The following FOXJ3 variants were observed in gnomAD, a reference collection of about 807,000 sequenced individuals.
FOXJ3 encodes forkhead box protein J3.
A neutral mutation model predicts 76.1 loss-of-function variants in FOXJ3; 22 were observed. The ratio of observed to expected loss-of-function variants is 0.29; its 90% CI spans 0.21 to 0.41. The LOEUF is 0.41. Ranked by LOEUF, FOXJ3 falls within the 10% of genes least tolerant of loss-of-function variation. The pLI, the probability that FOXJ3 is intolerant of heterozygous loss-of-function variation, is 1.00. For synonymous variants in FOXJ3, 269 were observed against 261.2 expected, an observed-to-expected ratio of 1.03 and a Z score of -0.29; for missense variants, 613 against 762.1, an observed-to-expected ratio of 0.80 and a Z score of 2.30.
intron 6 of FOXJ3, among the ~76,000 whole-genome samples, chr1:42,200,005 CAAAAAA>C (rs11355641): frequency 1.3e-5 from 1 of 76,086 alleles, no homozygotes; most frequent in Non-Finnish European, 2.3e-5. Flanking sequence ...GACTCTGTCT[CAAAAAA>C]AAAAAAAAAA....
intron 5 of FOXJ3, among the ~76,000 whole-genome samples, chr1:42,223,516 T>A (rs1329706690): frequency 6.6e-6 from 1 of 152,232 alleles, no homozygotes; most frequent in Non-Finnish European, 1.5e-5. Flanking sequence ...CAATCATGCA[T>A]GCTGTGTCTC....
Position 42,177,050 on chromosome 1 carries a change from A to T in FOXJ3, c.*2660T>A, listed in dbSNP as rs1376504738. 6.6e-6 allele frequency: 1 copy of T among 152,620 alleles called. No homozygotes were observed. Among genetic ancestry groups the T allele is most frequent in the Non-Finnish European group, 1.5e-5 (1 of 68,052 alleles). 9.5% of individuals were successfully genotyped at this position (152,620 alleles called of 1,614,324 possible). A position where few individuals can be genotyped will look rare whatever the true frequency, so the allele number is the denominator to read the frequency against. ...ACTATTCTTTCCCCCTAAAGTCTTC[A>T]GTCAATTTAAGCCCAAGACAGAACT... On this transcript the variant is annotated 3_prime_UTR_variant, in exon 13 of 13. Coordinates refer to ENST00000361346, the MANE Select transcript of FOXJ3 (RefSeq NM_014947.5).
At chr1:42,234,615 A>G (rs542175285) in intron 4 of FOXJ3, among the ~76,000 whole-genome samples, 1 of 152,160 alleles carries the variant, frequency 6.6e-6, no homozygotes, top group Non-Finnish European at 1.5e-5. Flanking sequence ...TTTTCCTTCT[A>G]ACAGTCAGGA....
intron 3 of FOXJ3, among the ~76,000 whole-genome samples, chr1:42,270,830 T>C (rs977042719): frequency 6.6e-6 from 1 of 152,160 alleles, no homozygotes; most frequent in African/African-American, 2.4e-5. Flanking sequence ...ACCTGACAAT[T>C]CTAATTTTAA....
intron 1 of FOXJ3, among the ~76,000 whole-genome samples, chr1:42,317,657 A>G (rs552619947): frequency 1.5e-3 from 228 of 152,264 alleles, no homozygotes; most frequent in Non-Finnish European, 3.0e-3. Context: ...ATAGAAGATA[A>G]TAATACGACA....
intron 4 of FOXJ3, among the ~76,000 whole-genome samples, chr1:42,232,619 T>C (rs1370407225): frequency 6.6e-6 from 1 of 151,846 alleles, no homozygotes; most frequent in Non-Finnish European, 1.5e-5. Flanking sequence ...TCTGTTCATA[T>C]CCTTCGCCCA....
At chr1:42,259,148 A>G (rs926623278) in intron 4 of FOXJ3, among the ~76,000 whole-genome samples, 1 of 152,222 alleles carries the variant, frequency 6.6e-6, no homozygotes, top group African/African-American at 2.4e-5. Context: ...CCAGACTCAG[A>G]AGGCCATGTA....
chr1:42,189,386 T>G lies in FOXJ3; in HGVS notation c.1370A>C (p.Tyr457Ser). Residue 457 changes from tyrosine (Y) to serine (S), a missense_variant, in exon 10 of 13, where the codon TAT (tyrosine) becomes TCT (serine). Tyr to Ser is a moderately radical substitution (Grantham distance 144, BLOSUM62 -2). Coordinates refer to ENST00000361346, the MANE Select transcript of FOXJ3 (RefSeq NM_014947.5). ...SCNSGVSNDW[Y>S]ATLDMLKESC... ...TTCTTTTAGCATATCAAGTGTCGCATACCAATCATTTGAAACACCTATAAA... is the reference window on the plus strand; with the variant it reads ...TTCTTTTAGCATATCAAGTGTCGCAGACCAATCATTTGAAACACCTATAAA... 1 of 1,612,180 alleles carries G rather than the reference T, an allele frequency of 6.2e-7. No homozygotes were observed.
intron 2 of FOXJ3, among the ~76,000 whole-genome samples, chr1:42,293,672 T>G (rs1557704852): frequency 6.6e-6 from 1 of 152,226 alleles, no homozygotes. Context: ...TTCTATTTCT[T>G]GAATTATCTA....
At chr1:42,192,589 G>A (rs1401623151) in intron 8 of FOXJ3, among the ~76,000 whole-genome samples, 1 of 152,194 alleles carries the variant, frequency 6.6e-6, no homozygotes, top group Non-Finnish European at 1.5e-5. Flanking sequence ...TAGCTGCCAT[G>A]ATGATGATTA....
intron 1 of FOXJ3, among the ~76,000 whole-genome samples, chr1:42,312,139 A>G (rs1654852403): frequency 1.3e-5 from 2 of 152,180 alleles, no homozygotes; most frequent in African/African-American, 2.4e-5. Context: ...AGGCAGGAGT[A>G]TTATAGACCC....
At position 42,227,996 on chromosome 1, in the gene FOXJ3, T is replaced by C. The variant is rs778985769; in HGVS notation, c.445-30A>G. ...AGGTAAAGAAATTATATTAACAGTA[T>C]ATTACAGCAAACCTATGATATTAAA... On this transcript the variant is annotated intron_variant, in intron 4 of 12. Coordinates refer to ENST00000361346, the MANE Select transcript of FOXJ3 (RefSeq NM_014947.5). 4 of 1,144,502 alleles carry C rather than the reference T, an allele frequency of 3.5e-6. No homozygotes were observed. In the African/African-American group the frequency reaches 6.1e-5, roughly 17 times the overall value. 70.9% of individuals were successfully genotyped at this position (1,144,502 alleles called of 1,614,324 possible).
intron 2 of FOXJ3, among the ~76,000 whole-genome samples, chr1:42,285,125 A>G (rs910646668): frequency 3.9e-5 from 6 of 152,052 alleles, no homozygotes; most frequent in East Asian, 1.9e-4. Flanking sequence ...AATTTTTATT[A>G]TAAGTTCAGG....
intron 1 of FOXJ3, among the ~76,000 whole-genome samples, chr1:42,320,903 G>A (rs1655394043): frequency 6.6e-6 from 1 of 152,076 alleles, no homozygotes; most frequent in Non-Finnish European, 1.5e-5. Context: ...TTTATCTTGG[G>A]CATTTGATTC....
At chr1:42,278,862 T>A (rs1652486749) in intron 2 of FOXJ3, among the ~76,000 whole-genome samples, 190 bp from the exon 3 acceptor site, 1 of 152,190 alleles carries the variant, frequency 6.6e-6, no homozygotes, top group Non-Finnish European at 1.5e-5. Context: ...TTTTCTTAAT[T>A]TTTTCCTCAC....
chr1:42,317,859 C>T (rs1352691902), intron 1 of FOXJ3, among the ~76,000 whole-genome samples: 2 of 152,122 alleles, frequency 1.3e-5, no homozygotes, highest in Non-Finnish European at 2.9e-5. Context: ...CACATTATCT[C>T]TATTACCTTA....
intron 1 of FOXJ3, among the ~76,000 whole-genome samples, chr1:42,333,577 GA>G (rs1344914678): frequency 3.3e-5 from 5 of 152,066 alleles, no homozygotes; most frequent in African/African-American, 4.8e-5. Context: ...ATACCACTCA[GA>G]AAAAGAGAGG....
intron 1 of FOXJ3, among the ~76,000 whole-genome samples, chr1:42,328,604 A>C (rs1443194076): frequency 1.3e-5 from 2 of 152,028 alleles, no homozygotes; most frequent in Non-Finnish European, 2.9e-5. Flanking sequence ...GGCCTTTATT[A>C]ATAGTCTCAA....
chr1:42,262,587 G>A (rs568332578), intron 4 of FOXJ3, among the ~76,000 whole-genome samples: 9 of 152,258 alleles, frequency 5.9e-5, no homozygotes, highest in African/African-American at 1.7e-4. Flanking sequence ...GGCAGCTCAC[G>A]CCTGTAATCC....
Sources: gnomAD v4.1 joint callset for allele counts (sites outside exome capture counted in the v4.1 genomes callset) on GRCh38, gnomAD v4.1.1 for gene constraint, MANE v1.5 for transcripts, NCBI Gene and HGNC (gene_info 2026-07-23, HGNC 2026-07-21) for gene names.